Variants in STEAP1B observed in about 807,000 individuals in gnomAD.
STEAP1B encodes STEAP family member 1B.
In STEAP1B, 13 loss-of-function variants were observed where a neutral mutation model predicts 27.9. That is an observed-to-expected ratio of 0.47 (90% CI 0.30 to 0.74). STEAP1B has a LOEUF of 0.74. STEAP1B is among the 30% of genes least tolerant of loss of function. The probability of loss-of-function intolerance (pLI) is 0.06; values close to 1 mark genes in which losing one functional copy is unlikely to be tolerated. For missense variants in STEAP1B, 250 were observed against 298.7 expected (o/e 0.84, Z 1.20); for synonymous variants, 86 against 107.1 (o/e 0.80, Z 1.22).
intron 4 of STEAP1B, among the ~76,000 whole-genome samples, chr7:22,438,150 G>A (rs1785277947): frequency 6.6e-6 from 1 of 152,000 alleles, no homozygotes. Context: ...TTCTGCTCAG[G>A]TATTTCCTGT....
chr7:22,437,526 T>C (rs1785270286), intron 4 of STEAP1B, among the ~76,000 whole-genome samples: 1 of 152,254 alleles, frequency 6.6e-6, no homozygotes, highest in Non-Finnish European at 1.5e-5. Context: ...GTTGCTTTTA[T>C]GTCTTGGCTA....
rs562570119 is a variant in STEAP1B, at chr7:22,451,768, T to A, written c.763-31932A>T. ...CATGACAAATGATTTTTCTAATATA[T>A]TGTTGAATTTGGTTTGCTATTATTT... On this transcript the variant is annotated intron_variant, in intron 4 of 4. Transcript: ENST00000678116. 2.6e-5 allele frequency among the ~76,000 whole-genome samples: 4 copies of A among 152,232 alleles called. No homozygotes were observed. In the South Asian group the frequency reaches 8.3e-4, roughly 31 times the overall value.
At chr7:22,431,370 T>C (rs1785185075) in intron 4 of STEAP1B, among the ~76,000 whole-genome samples, 1 of 152,172 alleles carries the variant, frequency 6.6e-6, no homozygotes, top group African/African-American at 2.4e-5. Flanking sequence ...TCCCAATAGC[T>C]CTCTCAGAAG....
At chr7:22,475,603 T>C (rs28521604) in intron 4 of STEAP1B, among the ~76,000 whole-genome samples, 71,982 of 152,098 alleles carry the variant, frequency 0.47, 17,434 homozygotes, top group African/African-American at 0.57. Context: ...CTCCTGGCTT[T>C]AAGCCATCCC....
At chr7:22,443,069 C>A (rs1351426326) in intron 4 of STEAP1B, among the ~76,000 whole-genome samples, 1 of 152,166 alleles carries the variant, frequency 6.6e-6, no homozygotes, top group Non-Finnish European at 1.5e-5. Flanking sequence ...GCCTGTCTTT[C>A]CCATGTTTGC....
intron 4 of STEAP1B, among the ~76,000 whole-genome samples, chr7:22,479,327 G>A (rs538907719): frequency 4.6e-5 from 7 of 152,314 alleles, no homozygotes; most frequent in East Asian, 1.9e-4. Context: ...TTGCCCACTC[G>A]AGAATCCTCG....
intron 4 of STEAP1B, among the ~76,000 whole-genome samples, chr7:22,432,192 C>G (rs1256769002): frequency 6.6e-6 from 1 of 151,898 alleles, no homozygotes; most frequent in East Asian, 1.9e-4. Flanking sequence ...TCGCCAGACA[C>G]CAAATCTGCT....
chr7:22,496,935 C>T (rs1786452564), intron 1 of STEAP1B, among the ~76,000 whole-genome samples: 1 of 152,210 alleles, frequency 6.6e-6, no homozygotes, highest in Non-Finnish European at 1.5e-5. Context: ...AGAATATTTT[C>T]CAGATATTAT....
At chr7:22,436,667 T>C (rs1785259209) in intron 4 of STEAP1B, among the ~76,000 whole-genome samples, 1 of 152,166 alleles carries the variant, frequency 6.6e-6, no homozygotes, top group Admixed American at 6.5e-5. Flanking sequence ...GTTCCTGTGT[T>C]AGTTTACTAA....
intron 4 of STEAP1B, among the ~76,000 whole-genome samples, chr7:22,491,812 G>A (rs1258107919): frequency 6.6e-6 from 1 of 152,092 alleles, no homozygotes; most frequent in Non-Finnish European, 1.5e-5. Flanking sequence ...TTTGAGAAAA[G>A]AAAACATATG....
intron 4 of STEAP1B, among the ~76,000 whole-genome samples, chr7:22,427,005 C>T (rs1002086294): frequency 6.6e-6 from 1 of 152,084 alleles, no homozygotes; most frequent in African/African-American, 2.4e-5. Flanking sequence ...GTTGAGGGGA[C>T]GTCAAGTACA....
At chr7:22,494,668 T>G in intron 2 of STEAP1B, 104 bp downstream of exon 2, 1 of 793,026 alleles carries the variant, frequency 1.3e-6, no homozygotes, top group South Asian at 2.0e-5. Context: ...ATCAGCAGAC[T>G]AGGGTGAAAA....
At chr7:22,465,932 A>G (rs1259863110) in intron 4 of STEAP1B, among the ~76,000 whole-genome samples, 2 of 152,116 alleles carry the variant, frequency 1.3e-5, no homozygotes. Context: ...CAGAGCCTCG[A>G]TCTCCCGCAT....
chr7:22,479,893 G>A (rs1321668887), intron 4 of STEAP1B, among the ~76,000 whole-genome samples: 1 of 151,810 alleles, frequency 6.6e-6, no homozygotes, highest in Non-Finnish European at 1.5e-5. Flanking sequence ...GTCATGTTGG[G>A]CAGGCTAGTC....
At position 22,478,450 on chromosome 7, in the gene STEAP1B, T is replaced by A. The variant is rs1786011298; in HGVS notation, c.762+14115A>T. Among the ~76,000 whole-genome samples, 5 of 152,208 alleles carry A rather than the reference T, an allele frequency of 3.3e-5. No homozygotes were observed. The South Asian group carries it at 1.0e-3, about 32-fold the overall frequency. ...TCACAGGATTTTCTGCACCTTTCTT[T>A]AACACAGTCCTATGATAGCCACACG... On this transcript the variant is annotated intron_variant, in intron 4 of 4. Coordinates refer to ENST00000678116, the MANE Select transcript of STEAP1B (RefSeq NM_001382447.1).
intron 4 of STEAP1B, among the ~76,000 whole-genome samples, chr7:22,455,017 C>G (rs1785556719): frequency 6.6e-6 from 1 of 151,818 alleles, no homozygotes; most frequent in Admixed American, 6.6e-5. Flanking sequence ...TGCTCGCCAC[C>G]ACACCCAGCT....
At chr7:22,438,176 C>T (rs574021690) in intron 4 of STEAP1B, among the ~76,000 whole-genome samples, 1 of 152,170 alleles carries the variant, frequency 6.6e-6, no homozygotes, top group African/African-American at 2.4e-5. Context: ...GAAACTCCCC[C>T]ACGTTTTCTT....
chr7:22,448,671 C>CT (rs540883678), intron 4 of STEAP1B, among the ~76,000 whole-genome samples: 1 of 151,204 alleles, frequency 6.6e-6, no homozygotes, highest in African/African-American at 2.4e-5. Context: ...GAGAGGTATA[C>CT]TTTTTTTTTG....
intron 4 of STEAP1B, among the ~76,000 whole-genome samples, chr7:22,464,456 A>G (rs567069383): frequency 6.6e-6 from 1 of 152,280 alleles, no homozygotes; most frequent in Non-Finnish European, 1.5e-5. Flanking sequence ...AGCTAGGGCC[A>G]ATAAACAATA....
Sources: allele counts gnomAD v4.1 joint callset (sites outside exome capture counted in the v4.1 genomes callset), GRCh38; gene constraint gnomAD v4.1.1; transcripts MANE v1.5; gene names NCBI Gene and HGNC (gene_info 2026-07-23, HGNC 2026-07-21).